ZNF678: variants seen among roughly 807,000 people sequenced by gnomAD.
The protein encoded by ZNF678 is zinc finger protein 678, also known as hypothetical protein MGC42493.
ZNF678 carries 5 observed loss-of-function variants against 3.0 expected under a neutral mutation model. That is an observed-to-expected ratio of 1.69 (90% CI 0.88 to 3.56). The LOEUF is 3.56. Among genes scored for constraint, ZNF678 ranks in the 30% most tolerant of loss-of-function variants. The pLI, the probability that ZNF678 is intolerant of heterozygous loss-of-function variation, is 0.00. For synonymous variants in ZNF678, 218 were observed against 199.6 expected, an observed-to-expected ratio of 1.09 and a Z score of -0.78; for missense variants, 593 against 605.0, an observed-to-expected ratio of 0.98 and a Z score of 0.21.
rs185770084 is a variant in ZNF678 at position 227,669,414 on chromosome 1, A to C, written c.227-7765A>C. 4.8e-3 allele frequency among the ~76,000 whole-genome samples: 731 copies of C among 152,192 alleles called. 4 individuals carry two copies. Among genetic ancestry groups the C allele is most frequent in the Non-Finnish European group, 5.8e-3 (395 of 68,016 alleles). On this transcript the variant is annotated intron_variant, in intron 5 of 5. Transcript: ENST00000608949. ...CACTTTGGGAGGCCGAGGCGGGTGGATCACGAGGTCAGGAGATCAAGACCA... is the reference window on the plus strand; with the variant it reads ...CACTTTGGGAGGCCGAGGCGGGTGGCTCACGAGGTCAGGAGATCAAGACCA...
At chr1:227,635,258 G>T (rs1322321010) in intron 1 of ZNF678, among the ~76,000 whole-genome samples, 1 of 152,072 alleles carries the variant, frequency 6.6e-6, no homozygotes, top group Non-Finnish European at 1.5e-5. Context: ...TTTGACTCAG[G>T]TGTACCTTTA....
chr1:227,644,582 C>G (rs192035366), intron 1 of ZNF678, among the ~76,000 whole-genome samples: 1 of 152,170 alleles, frequency 6.6e-6, no homozygotes, highest in African/African-American at 2.4e-5. Context: ...AAGTGCTACT[C>G]ATGATGGGCC....
chr1:227,624,612 C>T (rs140284865), intron 1 of ZNF678, among the ~76,000 whole-genome samples: 2,360 of 152,216 alleles, frequency 0.016, 72 homozygotes, highest in African/African-American at 0.053. Flanking sequence ...GGGTTGTTGG[C>T]CTCACGGATT....
chr1:227,644,678 T>G (rs115691308), intron 1 of ZNF678, among the ~76,000 whole-genome samples: 2,312 of 152,236 alleles, frequency 0.015, 19 homozygotes, highest in Middle Eastern at 0.044. Context: ...TCACATTACT[T>G]AAATTGGGGC....
At chr1:227,604,117 A>G (rs1657805912) in intron 1 of ZNF678, among the ~76,000 whole-genome samples, 1 of 152,120 alleles carries the variant, frequency 6.6e-6, no homozygotes, top group Admixed American at 6.5e-5. Context: ...TCCATTTTTC[A>G]TATTTGGTTA....
intron 1 of ZNF678, among the ~76,000 whole-genome samples, chr1:227,620,423 TG>T (rs1358425673): frequency 1.8e-4 from 27 of 152,340 alleles, no homozygotes; most frequent in Admixed American, 1.7e-3. Flanking sequence ...TCTCAGGCTG[TG>T]GGTCACCCAG....
At chr1:227,623,793 A>T (rs1477740774) in intron 1 of ZNF678, among the ~76,000 whole-genome samples, 1 of 152,148 alleles carries the variant, frequency 6.6e-6, no homozygotes, top group South Asian at 2.1e-4. Flanking sequence ...TATCCAGTTT[A>T]TAAAGAGCTT....
chr1:227,654,361 C>T lies in ZNF678; in HGVS notation c.111C>T (p.Asp37=), dbSNP rs533862737. The change falls in exon 4 of 4, where the codon GAC becomes GAT. Residue 37 remains aspartate (D), a synonymous_variant. Transcript: ENST00000343776. ...YTAILSYSIQ[D]LLPEQDMKDL... The stretch of plus-strand genomic sequence containing the variant: ...CTATTTTATCTTATTCCATTCAAGA[C>T]CTTTTGCCAGAGCAGGATATGAAAG... The T allele has an allele frequency of 1.7e-5, 26 of 1,571,264 alleles. No homozygotes were observed. In the Admixed American group the frequency reaches 3.2e-4, roughly 19 times the overall value.
intron 1 of ZNF678, chr1:227,598,770 CT>C (rs1657659239): frequency 5.7e-6 from 3 of 529,790 alleles, no homozygotes; most frequent in Non-Finnish European, 1.1e-5. Flanking sequence ...CTTTTTCTTT[CT>C]CTGTTTTCCT....
In ZNF678 at chr1:227,646,487, T is replaced by G. The variant is rs1454827696; in HGVS notation, c.-163-57T>G. The G allele has an allele frequency of 3.7e-6, 5 of 1,339,994 alleles. No homozygotes were observed. The Admixed American group carries it at 8.4e-5, about 23-fold the overall frequency. The allele number at this position is 1,339,994 out of a possible 1,614,324, so 83.0% of individuals were successfully genotyped here. A position where few individuals can be genotyped will look rare whatever the true frequency, so the allele number is the denominator to read the frequency against. ...TTACTCTCTTCAGTTGGAGTCAAAT[T>G]AAGAACTCTGCCCATGGCACATTTT... On this transcript the variant is annotated intron_variant, in intron 1 of 3. Coordinates refer to ENST00000343776, the MANE Select transcript of ZNF678 (RefSeq NM_001367909.1).
At chr1:227,635,515 T>TTGTGTGTGTG (rs56135481) in intron 1 of ZNF678, among the ~76,000 whole-genome samples, 4,806 of 127,928 alleles carry the variant, frequency 0.038, 136 homozygotes, top group East Asian at 0.055. Flanking sequence ...GGGTGAACAT[T>TTGTGTGTGTG]TGTGTGTGTG....
chr1:227,641,466 G>A (rs1265100489), intron 1 of ZNF678, among the ~76,000 whole-genome samples: 1 of 151,924 alleles, frequency 6.6e-6, no homozygotes, highest in African/African-American at 2.4e-5. Flanking sequence ...TCACATTGTG[G>A]TTCAATTTTA....
intron 1 of ZNF678, among the ~76,000 whole-genome samples, chr1:227,593,109 C>G (rs971331143): frequency 6.6e-6 from 1 of 152,208 alleles, no homozygotes; most frequent in Non-Finnish European, 1.5e-5. Context: ...GCAGAGAGAG[C>G]TTGGCATGAC....
chr1:227,592,935 C>G (rs771310802), intron 1 of ZNF678, among the ~76,000 whole-genome samples: 13 of 152,240 alleles, frequency 8.5e-5, no homozygotes, highest in Non-Finnish European at 1.5e-4. Flanking sequence ...CTGACTGATT[C>G]ATAAGCTCTT....
intron 1 of ZNF678, among the ~76,000 whole-genome samples, chr1:227,573,815 C>T (rs1020903997): frequency 6.6e-6 from 1 of 152,174 alleles, no homozygotes; most frequent in Non-Finnish European, 1.5e-5. Context: ...CTGATTCTCT[C>T]CCTCCTCCCA....
In ZNF678 at chr1:227,650,983, G is replaced by C. The variant is rs765364795; in HGVS notation, c.-9G>C. The stretch of plus-strand genomic sequence containing the variant: ...CTTCCAGGACTATGTTAAAATAGAA[G>C]CATTGATAATGGGCACAATATCACT... On this transcript the variant is annotated 5_prime_UTR_variant, in exon 3 of 4. Coordinates refer to ENST00000343776, the MANE Select transcript of ZNF678 (RefSeq NM_001367909.1). 1 of 1,611,668 alleles carries C rather than the reference G, an allele frequency of 6.2e-7. No homozygotes were observed. The highest frequency in any genetic ancestry group is 8.5e-7 in the Non-Finnish European group (1 of 1,179,320).
At chr1:227,663,772 A>G (rs1374582640), downstream of ZNF678, among the ~76,000 whole-genome samples, 1 of 152,202 alleles carries the variant, frequency 6.6e-6, no homozygotes, top group Non-Finnish European at 1.5e-5. Context: ...TTGGGAAAGA[A>G]TGGTGAGTTA....
intron 1 of ZNF678, chr1:227,598,924 G>T: frequency 1.3e-6 from 1 of 753,176 alleles, no homozygotes; most frequent in South Asian, 1.4e-5. Context: ...ATTTCTCCCT[G>T]TCTCTTTCTA....
intron 1 of ZNF678, among the ~76,000 whole-genome samples, chr1:227,564,882 C>T (rs2102708361): frequency 6.6e-6 from 1 of 151,886 alleles, no homozygotes; most frequent in Admixed American, 6.6e-5. Context: ...CAGACCCGCG[C>T]CACCACCCCC....
Sources: gnomAD v4.1 joint callset for allele counts (sites outside exome capture counted in the v4.1 genomes callset) on GRCh38, gnomAD v4.1.1 for gene constraint, MANE v1.5 for transcripts, NCBI Gene and HGNC (gene_info 2026-07-23, HGNC 2026-07-21) for gene names.